The following CSMD1 variants were observed in gnomAD, a reference collection of about 807,000 sequenced individuals.
The protein encoded by CSMD1 is CUB and sushi domain-containing protein 1.
CSMD1 carries 213 observed loss-of-function variants against 417.5 expected under a neutral mutation model. The observed-to-expected ratio is 0.51, with a 90% CI of 0.46 to 0.57. CSMD1 has a LOEUF of 0.57. Ranked by LOEUF, CSMD1 falls within the 20% of genes least tolerant of loss-of-function variation. CSMD1 has a pLI of 0.00. For synonymous variants in CSMD1, 2,862 were observed against 1,736.8 expected, an observed-to-expected ratio of 1.65 and a Z score of -16.11; for missense variants, 6,923 against 4,529.7, an observed-to-expected ratio of 1.53 and a Z score of -15.17.
At chr8:4,392,125 G>C (rs577631868) in intron 3 of CSMD1, among the ~76,000 whole-genome samples, 1 of 152,322 alleles carries the variant, frequency 6.6e-6, no homozygotes, top group East Asian at 1.9e-4. Context: ...GTACAGCTGA[G>C]TCAAGTCCAG....
At chr8:4,161,328 G>A (rs181303757) in intron 3 of CSMD1, among the ~76,000 whole-genome samples, 1 of 152,152 alleles carries the variant, frequency 6.6e-6, no homozygotes, top group African/African-American at 2.4e-5. Context: ...GACAGAATTA[G>A]GGCTAAAATC....
chr8:3,355,815 C>G (rs1050874356), intron 21 of CSMD1, among the ~76,000 whole-genome samples: 1 of 152,204 alleles, frequency 6.6e-6, no homozygotes, highest in African/African-American at 2.4e-5. Context: ...ATGTGGGCAA[C>G]TTTTTCTCTA....
intron 49 of CSMD1, among the ~76,000 whole-genome samples, chr8:3,074,407 G>A (rs994546879): frequency 3.9e-5 from 6 of 152,142 alleles, no homozygotes; most frequent in African/African-American, 1.4e-4. Flanking sequence ...GGTCCATAGG[G>A]AGCTGTCTAC....
At chr8:2,953,020 G>A (rs1486860887) in intron 65 of CSMD1, among the ~76,000 whole-genome samples, 1 of 152,118 alleles carries the variant, frequency 6.6e-6, no homozygotes, top group East Asian at 1.9e-4. Context: ...AAGAGTACAA[G>A]AAAAGGAATA....
chr8:4,252,734 G>C (rs138844139), intron 3 of CSMD1, among the ~76,000 whole-genome samples: 49 of 152,340 alleles, frequency 3.2e-4, no homozygotes, highest in African/African-American at 1.2e-3. Flanking sequence ...CAGGAATTAT[G>C]AGAGCGCTTT....
Position 4,466,204 on chromosome 8 carries a change from T to C in CSMD1, c.303-46139A>G, listed in dbSNP as rs115411233. On this transcript the variant is annotated intron_variant, in intron 2 of 69. Transcript: ENST00000635120. Reference sequence around the variant, plus strand: ...TGTTTAAGATTGGGCATGATGCTTTTATAATAGTGAGACAGGGATCTCTCC... The same window carrying C: ...TGTTTAAGATTGGGCATGATGCTTTCATAATAGTGAGACAGGGATCTCTCC... 3.0e-3 allele frequency among the ~76,000 whole-genome samples: 455 copies of C among 152,260 alleles called. 1 individual carries two copies. Among genetic ancestry groups the C allele is most frequent in the African/African-American group, 9.0e-3 (374 of 41,540 alleles).
chr8:4,351,285 C>T lies in CSMD1; in HGVS notation c.415+68668G>A, dbSNP rs191507139. On this transcript the variant is annotated intron_variant, in intron 3 of 69. Coordinates refer to ENST00000635120, the MANE Select transcript of CSMD1 (RefSeq NM_033225.6). Reference sequence around the variant, plus strand: ...AAGTAAACATTAGAACGTATCTTTCCTAACAAGAGATTTTTCAATGCTAAA... The same window carrying T: ...AAGTAAACATTAGAACGTATCTTTCTTAACAAGAGATTTTTCAATGCTAAA... Among the ~76,000 whole-genome samples, 7 of 152,330 alleles carry T rather than the reference C, an allele frequency of 4.6e-5. No individual in the cohort carries two copies. In the East Asian group the frequency reaches 7.7e-4, roughly 17 times the overall value.
intron 5 of CSMD1, among the ~76,000 whole-genome samples, chr8:3,764,687 T>A (rs1053547170): frequency 8.6e-5 from 13 of 151,782 alleles, no homozygotes; most frequent in African/African-American, 2.9e-4. Context: ...AGAGCAGTAA[T>A]CACCTGAAAA....
chr8:2,954,220 A>T lies in CSMD1; in HGVS notation c.10039+4T>A, dbSNP rs776616183. ...GAAATCTAGAACTGTTCTGGTATAC[A>T]AACCTGGAGTTTTAGTAACTGTTTC... On this transcript the variant is annotated splice_donor_region_variant and intron_variant, in intron 65 of 69. Coordinates refer to ENST00000635120, the MANE Select transcript of CSMD1 (RefSeq NM_033225.6). The T allele has an allele frequency of 1.3e-6, 2 of 1,492,100 alleles. No individual in the cohort carries two copies. Among genetic ancestry groups the T allele is most frequent in the South Asian group, 2.5e-5 (2 of 80,386 alleles). 92.4% of individuals were successfully genotyped at this position (1,492,100 alleles called of 1,614,324 possible).
rs1210519942 is a variant in CSMD1 at position 4,828,376 on chromosome 8, A to G, written c.85+165956T>C. 3.3e-5 allele frequency among the ~76,000 whole-genome samples: 5 copies of G among 152,188 alleles called. No individual in the cohort carries two copies. In the East Asian group the frequency reaches 9.6e-4, roughly 29 times the overall value. On this transcript the variant is annotated intron_variant, in intron 1 of 69. Transcript: ENST00000635120. ...CCAATTGTTGACCTGAATATGGAAG[A>G]CCACAATGACTTTGCTGTAGTTATT...
At chr8:3,799,884 C>G (rs1275065291) in intron 5 of CSMD1, among the ~76,000 whole-genome samples, 1 of 152,132 alleles carries the variant, frequency 6.6e-6, no homozygotes, top group South Asian at 2.1e-4. Flanking sequence ...ACATTGCTGA[C>G]TTGCTATATA....
chr8:4,720,237 A>C (rs549339616), intron 1 of CSMD1, among the ~76,000 whole-genome samples: 3 of 151,950 alleles, frequency 2.0e-5, no homozygotes, highest in South Asian at 4.1e-4. Flanking sequence ...TAATATATAA[A>C]GGGAATGTAT....
At chr8:4,007,071 T>C (rs2740965) in intron 4 of CSMD1, among the ~76,000 whole-genome samples, 82,239 of 151,692 alleles carry the variant, frequency 0.54, 22,482 homozygotes, top group East Asian at 0.68. Flanking sequence ...ATCTCCTCAC[T>C]TCGTGATCCA....
chr8:4,276,033 T>G (rs1472437929), intron 3 of CSMD1, among the ~76,000 whole-genome samples: 3 of 152,156 alleles, frequency 2.0e-5, no homozygotes, highest in Middle Eastern at 3.2e-3. Flanking sequence ...GGAGTGTAAA[T>G]TAGTTCAACC....
At chr8:3,403,231 G>A (rs913831585) in intron 15 of CSMD1, among the ~76,000 whole-genome samples, 1 of 152,080 alleles carries the variant, frequency 6.6e-6, no homozygotes, top group African/African-American at 2.4e-5. Flanking sequence ...ATTCTGTAAG[G>A]GATGTGAGCT....
chr8:4,689,089 T>C (rs533278655), intron 1 of CSMD1, among the ~76,000 whole-genome samples: 28 of 152,330 alleles, frequency 1.8e-4, no homozygotes, highest in Admixed American at 3.3e-4. Flanking sequence ...TGCACCTGTA[T>C]TGATAAATTT....
intron 3 of CSMD1, among the ~76,000 whole-genome samples, chr8:4,161,338 C>T (rs1220386981): frequency 6.6e-6 from 1 of 152,198 alleles, no homozygotes; most frequent in Non-Finnish European, 1.5e-5. Context: ...GGGCTAAAAT[C>T]CCGGTCTCTT....
intron 1 of CSMD1, among the ~76,000 whole-genome samples, chr8:4,832,098 C>T (rs775192052): frequency 6.6e-6 from 1 of 152,184 alleles, no homozygotes; most frequent in East Asian, 1.9e-4. Context: ...TCTTCGGGAA[C>T]CTTTTGTGTA....
chr8:3,934,045 T>A (rs2129682077), intron 5 of CSMD1, among the ~76,000 whole-genome samples: 1 of 152,296 alleles, frequency 6.6e-6, no homozygotes, highest in African/African-American at 2.4e-5. Context: ...GCCACTCTGC[T>A]CTACACTGAG....
Sources: gnomAD v4.1 joint callset for allele counts (sites outside exome capture counted in the v4.1 genomes callset) on GRCh38, gnomAD v4.1.1 for gene constraint, MANE v1.5 for transcripts, NCBI Gene and HGNC (gene_info 2026-07-23, HGNC 2026-07-21) for gene names.